Variants in SUCLG2 observed in about 807,000 individuals in gnomAD.
SUCLG2 encodes the protein succinate-CoA ligase GDP-forming subunit beta.
Under a neutral mutation model 47.9 loss-of-function variants are expected in SUCLG2, and 42 were observed. The observed-to-expected ratio is 0.88, with a 90% CI of 0.69 to 1.14. The LOEUF is 1.14. Among genes scored for constraint, SUCLG2 ranks in the 50% most tolerant of loss-of-function variants. The pLI is 0.00. For missense variants in SUCLG2, 571 were observed against 525.9 expected (o/e 1.09, Z -0.84); for synonymous variants, 195 against 197.3 (o/e 0.99, Z 0.10).
chr3:67,557,093 C>G (rs753987442), intron 2 of SUCLG2, among the ~76,000 whole-genome samples: 1 of 152,200 alleles, frequency 6.6e-6, no homozygotes, highest in Non-Finnish European at 1.5e-5. Flanking sequence ...AATCTCCCAA[C>G]TAGAATTCTA....
chr3:67,561,298 C>G (rs992319340), intron 2 of SUCLG2, among the ~76,000 whole-genome samples: 3 of 152,014 alleles, frequency 2.0e-5, no homozygotes, highest in African/African-American at 7.2e-5. Context: ...CATTTATTTA[C>G]TCTCATGCTG....
At chr3:67,535,124 T>C (rs1706505261) in intron 2 of SUCLG2, among the ~76,000 whole-genome samples, 1 of 152,094 alleles carries the variant, frequency 6.6e-6, no homozygotes, top group Non-Finnish European at 1.5e-5. Context: ...TACTGTATTA[T>C]GTGTATGTAT....
chr3:67,487,123 G>A (rs1432889801), intron 9 of SUCLG2, among the ~76,000 whole-genome samples: 2 of 152,018 alleles, frequency 1.3e-5, no homozygotes, highest in South Asian at 2.1e-4. Context: ...AATAACTAGA[G>A]GAACATGCCA....
chr3:67,540,341 A>C (rs997236234), intron 2 of SUCLG2, among the ~76,000 whole-genome samples: 4 of 151,862 alleles, frequency 2.6e-5, no homozygotes, highest in Non-Finnish European at 5.9e-5. Flanking sequence ...TCTGAAGTCC[A>C]CCTGGGGTGC....
chr3:67,606,018 G>C (rs932501285), intron 2 of SUCLG2, among the ~76,000 whole-genome samples: 1 of 151,910 alleles, frequency 6.6e-6, no homozygotes, highest in Non-Finnish European at 1.5e-5. Context: ...GGGCAACACA[G>C]AGAGACCCCA....
chr3:67,507,986 C>G (rs574043548), intron 7 of SUCLG2, among the ~76,000 whole-genome samples: 73 of 152,260 alleles, frequency 4.8e-4, no homozygotes, highest in Middle Eastern at 3.4e-3. Context: ...CAAGCTTTTG[C>G]TATCAAATTA....
chr3:67,368,517 C>A (rs1289047362), intron 10 of SUCLG2, among the ~76,000 whole-genome samples: 6 of 152,000 alleles, frequency 3.9e-5, no homozygotes, highest in East Asian at 3.8e-4. Flanking sequence ...CCTTTAATTT[C>A]TTTATTTCCC....
intron 2 of SUCLG2, among the ~76,000 whole-genome samples, chr3:67,545,747 CTCTCCTTTTCAT>C (rs1706846492): frequency 6.6e-6 from 1 of 152,094 alleles, no homozygotes; most frequent in South Asian, 2.1e-4. Flanking sequence ...CTCCTTTCCT[CTCTCCTTTTCAT>C]TCTTCCTTTT....
chr3:67,631,719 G>A (rs1206719639), intron 1 of SUCLG2, among the ~76,000 whole-genome samples: 2 of 152,310 alleles, frequency 1.3e-5, no homozygotes, highest in East Asian at 3.9e-4. Flanking sequence ...CTCTCAATGT[G>A]TAATTATACA....
intron 2 of SUCLG2, among the ~76,000 whole-genome samples, chr3:67,599,674 C>A (rs1035265974): frequency 1.3e-5 from 2 of 150,762 alleles, no homozygotes; most frequent in Non-Finnish European, 2.9e-5. Context: ...TCCTCTGCCC[C>A]ATGCTGAAGT....
chr3:67,560,490 C>T (rs116268614), intron 2 of SUCLG2, among the ~76,000 whole-genome samples: 1,607 of 152,284 alleles, frequency 0.011, 21 homozygotes, highest in East Asian at 0.051. Flanking sequence ...CTGCCAACCA[C>T]TAGCTATGCA....
chr3:67,497,631 T>C (rs149525976), intron 8 of SUCLG2, among the ~76,000 whole-genome samples: 212 of 152,316 alleles, frequency 1.4e-3, no homozygotes, highest in Non-Finnish European at 2.5e-3. Flanking sequence ...AATTTTGTTT[T>C]AAACCTAAAT....
intron 9 of SUCLG2, among the ~76,000 whole-genome samples, chr3:67,404,623 G>A (rs1041769967): frequency 4.2e-4 from 64 of 152,016 alleles, no homozygotes; most frequent in African/African-American, 1.4e-3. Flanking sequence ...TGGGTGGTGA[G>A]AAGATCCCAC....
chr3:67,597,944 C>G (rs548657336), intron 2 of SUCLG2, among the ~76,000 whole-genome samples: 1 of 151,612 alleles, frequency 6.6e-6, no homozygotes, highest in Non-Finnish European at 1.5e-5. Flanking sequence ...TCTCAAAAAA[C>G]AAACAAACAA....
intron 9 of SUCLG2, among the ~76,000 whole-genome samples, chr3:67,471,071 T>A (rs937791814): frequency 4.6e-5 from 7 of 152,180 alleles, no homozygotes; most frequent in African/African-American, 7.2e-5. Flanking sequence ...ATAGAAAATA[T>A]TGCTAACACT....
intron 10 of SUCLG2, chr3:67,376,559 A>G (rs1702038380): frequency 4.3e-6 from 4 of 930,486 alleles, no homozygotes; most frequent in Admixed American, 6.2e-5. Flanking sequence ...CTCATCCTAC[A>G]TCATTTCCTG....
At chr3:67,524,035 A>C (rs551900527) in intron 4 of SUCLG2, among the ~76,000 whole-genome samples, 1 of 152,346 alleles carries the variant, frequency 6.6e-6, no homozygotes, top group Non-Finnish European at 1.5e-5. Flanking sequence ...TGTCACCAGG[A>C]AAATGATAAT....
chr3:67,528,052 T>G, intron 4 of SUCLG2, 80 bp downstream of exon 4: 1 of 1,279,134 alleles, frequency 7.8e-7, no homozygotes, highest in Admixed American at 2.0e-5. Context: ...CTTCATTAGA[T>G]TCTGTCAAAA....
chr3:67,433,610 T>C (rs1703541471), intron 9 of SUCLG2, among the ~76,000 whole-genome samples: 1 of 152,082 alleles, frequency 6.6e-6, no homozygotes, highest in Non-Finnish European at 1.5e-5. Context: ...CGAAATGAGG[T>C]ATAAACTGAG....
Sources: gnomAD v4.1 joint callset for allele counts (sites outside exome capture counted in the v4.1 genomes callset) on GRCh38, gnomAD v4.1.1 for gene constraint, MANE v1.5 for transcripts, NCBI Gene and HGNC (gene_info 2026-07-23, HGNC 2026-07-21) for gene names.